Variants in ACSM2A observed in about 807,000 individuals in gnomAD.
ACSM2A encodes the protein acyl-coenzyme A synthetase ACSM2A, mitochondrial.
In ACSM2A, 72 loss-of-function variants were observed where a neutral mutation model predicts 76.6. The ratio of observed to expected loss-of-function variants is 0.94; its 90% confidence interval spans 0.78 to 1.14. The LOEUF (loss-of-function observed/expected upper bound fraction) is 1.14. ACSM2A is among the 50% of genes most tolerant of loss of function. The probability of loss-of-function intolerance (pLI) is 0.00; values close to 1 mark genes in which losing one functional copy is unlikely to be tolerated. For missense variants in ACSM2A, 684 were observed against 708.5 expected (o/e 0.97, Z 0.39); for synonymous variants, 249 against 255.9 (o/e 0.97, Z 0.26).
At chr16:20,473,018 C>A (rs1421981918) in intron 6 of ACSM2A, among the ~76,000 whole-genome samples, 2 of 152,138 alleles carry the variant, frequency 1.3e-5, no homozygotes, top group Admixed American at 6.6e-5. Context: ...ATGCATTATC[C>A]TGTAGCAACA....
intron 8 of ACSM2A, 90 bp from the exon 9 acceptor site, chr16:20,477,279 T>A: frequency 6.5e-7 from 1 of 1,532,650 alleles, no homozygotes; most frequent in Non-Finnish European, 8.8e-7. Flanking sequence ...TTCAGGACAG[T>A]GTCAGGACCT....
rs1481903835 is a variant in ACSM2A, at chr16:20,475,732, A to G, written c.1057A>G (p.Thr353Ala). 2.5e-6 allele frequency: 4 copies of G among 1,614,048 alleles called. No homozygotes were observed. The highest frequency in any genetic ancestry group is 3.4e-6 in the Non-Finnish European group (4 of 1,179,930). ...AACTCTGGAGAACTGGAGGGCCCAG[A>G]CAGGACTGGACATCCGAGAATCCTA... Reference protein sequence around the residue: ...PETLENWRAQTGLDIRESYGQ... With the variant: ...PETLENWRAQAGLDIRESYGQ... The change falls in exon 8 of 14, where the codon ACA becomes GCA. Residue 353 changes from threonine (T) to alanine (A), a missense_variant. By Grantham distance (58) the Thr-to-Ala change is moderately conservative. Transcript: ENST00000573854.
intron 3 of ACSM2A, among the ~76,000 whole-genome samples, chr16:20,467,932 C>A (rs1438449376): frequency 1.3e-5 from 2 of 152,038 alleles, no homozygotes; most frequent in Non-Finnish European, 2.9e-5. Context: ...TGCTTGCACA[C>A]AGCCTAATCC....
At position 20,471,354 on chromosome 16, in the gene ACSM2A, G is replaced by C. The variant is rs2013382530; in HGVS notation, c.740+138G>C. On this transcript the variant is annotated intron_variant, in intron 5 of 13. Transcript: ENST00000573854. ...TTCATCTCCTGTTGATACAGGATGTGTGGATAGAACAACTTTTCTTCCCCC... is the reference window on the plus strand; with the variant it reads ...TTCATCTCCTGTTGATACAGGATGTCTGGATAGAACAACTTTTCTTCCCCC... 13 of 1,501,110 alleles carry C rather than the reference G, an allele frequency of 8.7e-6. No individual in the cohort carries two copies. The Middle Eastern group carries it at 7.2e-4, about 83-fold the overall frequency. The allele number at this position is 1,501,110 out of a possible 1,614,324, so 93.0% of individuals were successfully genotyped here.
chr16:20,478,795 G>T, intron 10 of ACSM2A, 118 bp downstream of exon 10: 4 of 1,329,792 alleles, frequency 3.0e-6, no homozygotes, highest in Non-Finnish European at 4.0e-6. Context: ...GACAAAGACT[G>T]TCCAGTTTTC....
intron 2 of ACSM2A, among the ~76,000 whole-genome samples, chr16:20,464,962 TA>T (rs935383591): frequency 3.9e-5 from 6 of 152,094 alleles, no homozygotes; most frequent in African/African-American, 1.4e-4. Flanking sequence ...ACTACAAAAT[TA>T]AAAAAAGTAA....
Position 20,483,081 on chromosome 16 carries a change from G to A in ACSM2A, c.1533G>A (p.Leu511=). The A allele has an allele frequency of 6.2e-7, 1 of 1,613,974 alleles. No individual in the cohort carries two copies. The highest frequency in any genetic ancestry group is 8.5e-7 in the Non-Finnish European group (1 of 1,179,938). ...RGEVVKAFVV[L]ASQFLSHDPE... ...AGGTGGTGAAGGCATTTGTGGTCCTGGCCTCGCAGTTCCTGTCCCATGACC... is the reference window on the plus strand; with the variant it reads ...AGGTGGTGAAGGCATTTGTGGTCCTAGCCTCGCAGTTCCTGTCCCATGACC... The change falls in exon 13 of 14, where the codon CTG becomes CTA. Residue 511 remains leucine, a synonymous_variant. Coordinates refer to ENST00000573854, the MANE Select transcript of ACSM2A (RefSeq NM_001308172.2).
intron 1 of ACSM2A, among the ~76,000 whole-genome samples, chr16:20,455,374 A>G (rs1360547202): frequency 6.6e-6 from 1 of 151,548 alleles, no homozygotes; most frequent in Non-Finnish European, 1.5e-5. Flanking sequence ...GATGAAGGAA[A>G]GAATCTTAAG....
At chr16:20,473,654 A>T (rs1293495040) in intron 6 of ACSM2A, among the ~76,000 whole-genome samples, 1 of 152,114 alleles carries the variant, frequency 6.6e-6, no homozygotes, top group Non-Finnish European at 1.5e-5. Context: ...GTAAACCAAA[A>T]ATAAAATCCT....
intron 1 of ACSM2A, among the ~76,000 whole-genome samples, chr16:20,452,934 A>G (rs550020883): frequency 7.9e-4 from 121 of 152,236 alleles, no homozygotes; most frequent in African/African-American, 2.8e-3. Context: ...CCATATGTGG[A>G]GAACCAAGGA....
intron 3 of ACSM2A, among the ~76,000 whole-genome samples, chr16:20,468,065 A>G (rs1205825175): frequency 6.6e-6 from 1 of 152,082 alleles, no homozygotes; most frequent in Admixed American, 6.6e-5. Flanking sequence ...CGACCAAACC[A>G]ACTGCAGGAA....
intron 1 of ACSM2A, among the ~76,000 whole-genome samples, chr16:20,458,904 G>GTATATATATA (rs1567356709): frequency 4.4e-4 from 12 of 27,390 alleles, no homozygotes; most frequent in African/African-American, 3.2e-3. Context: ...ATATATATAT[G>GTATATATATA]CATATATATA....
chr16:20,476,127 A>C, intron 8 of ACSM2A: 1 of 1,093,054 alleles, frequency 9.1e-7, no homozygotes, highest in Non-Finnish European at 1.1e-6. Context: ...TGTGATGGGG[A>C]AACATTTTAG....
At chr16:20,452,055 G>A (rs1054206569) in intron 1 of ACSM2A, 4 of 150,660 alleles carry the variant, frequency 2.7e-5, no homozygotes, top group Admixed American at 2.0e-4. Flanking sequence ...TCAGGAGCTG[G>A]TACAGTAATC....
At chr16:20,455,087 C>G (rs1029594814) in intron 1 of ACSM2A, among the ~76,000 whole-genome samples, 1 of 125,710 alleles carries the variant, frequency 8.0e-6, no homozygotes, top group African/African-American at 3.3e-5. Flanking sequence ...TAGCCAAATC[C>G]AACAAAGACA....
intron 10 of ACSM2A, among the ~76,000 whole-genome samples, chr16:20,479,543 T>A (rs931127074): frequency 9.2e-5 from 14 of 152,144 alleles, no homozygotes; most frequent in African/African-American, 3.1e-4. Flanking sequence ...GTAAGTTGTG[T>A]GTCGTGAGTG....
chr16:20,460,900 C>T (rs1483212898), intron 2 of ACSM2A, among the ~76,000 whole-genome samples: 4 of 123,150 alleles, frequency 3.2e-5, no homozygotes, highest in African/African-American at 1.4e-4. Context: ...AGTTAGGTCA[C>T]GTGTCCCTGT....
intron 2 of ACSM2A, among the ~76,000 whole-genome samples, chr16:20,464,183 A>G (rs976463602): frequency 6.6e-5 from 10 of 152,278 alleles, no homozygotes; most frequent in African/African-American, 2.4e-4. Context: ...GACGTTCCGA[A>G]CTTTTCCTCA....
At position 20,465,551 on chromosome 16, in the gene ACSM2A, G is replaced by T. The variant is rs1228751516; in HGVS notation, c.212G>T (p.Trp71Leu). 1.2e-6 allele frequency: 2 copies of T among 1,613,812 alleles called. No homozygotes were observed. Among genetic ancestry groups the T allele is most frequent in the African/African-American group, 1.3e-5 (1 of 74,912 alleles). ...GKRLPSPALWWVNGKGKELMW... is the reference protein window; with the variant it reads ...GKRLPSPALWLVNGKGKELMW... ...CGACTCCCAAGCCCAGCCCTGTGGT[G>T]GGTGAATGGGAAGGGGAAGGAATTA... The change falls in exon 3 of 14, where the codon TGG becomes TTG. Residue 71 changes from tryptophan (W) to leucine (L), a missense_variant. Physicochemically the swap from Trp to Leu is moderately conservative, Grantham distance 61 (BLOSUM62 -2). Transcript: ENST00000573854.
Sources: allele counts gnomAD v4.1 joint callset (sites outside exome capture counted in the v4.1 genomes callset), GRCh38; gene constraint gnomAD v4.1.1; transcripts MANE v1.5; gene names NCBI Gene and HGNC (gene_info 2026-07-23, HGNC 2026-07-21).